Variants in CLEC16A observed in about 807,000 individuals in gnomAD.
The protein encoded by CLEC16A is protein CLEC16A.
In CLEC16A, 51 loss-of-function variants were observed where a neutral mutation model predicts 109.5. The ratio of observed to expected loss-of-function variants is 0.47; its 90% CI spans 0.37 to 0.59. CLEC16A has a LOEUF of 0.59. Ranked by LOEUF, CLEC16A falls within the 20% of genes least tolerant of loss-of-function variation. The pLI, the probability that CLEC16A is intolerant of heterozygous loss-of-function variation, is 0.00. For synonymous variants in CLEC16A, 673 were observed against 564.2 expected (o/e 1.19, Z -2.73); for missense variants, 1,339 against 1,394.0 (o/e 0.96, Z 0.63).
At chr16:11,114,637 T>G (rs1432697331) in intron 19 of CLEC16A, among the ~76,000 whole-genome samples, 1 of 152,148 alleles carries the variant, frequency 6.6e-6, no homozygotes, top group Non-Finnish European at 1.5e-5. Context: ...TCTCCTGGAT[T>G]TCTCCTCAAC....
At chr16:10,993,496 G>C (rs941566638) in intron 10 of CLEC16A, among the ~76,000 whole-genome samples, 1 of 152,194 alleles carries the variant, frequency 6.6e-6, no homozygotes, top group African/African-American at 2.4e-5. Context: ...GGAAGCCAAG[G>C]TTCCGTGATT....
At position 11,012,613 on chromosome 16, in the gene CLEC16A, A is replaced by G. The variant is rs2045499464; in HGVS notation, c.1304-7580A>G. Among the ~76,000 whole-genome samples, 11 of 144,752 alleles carry G rather than the reference A, an allele frequency of 7.6e-5. No individual in the cohort carries two copies. The South Asian group carries it at 8.8e-4, about 12-fold the overall frequency. 95.0% of individuals were successfully genotyped at this position (144,752 alleles called of 152,430 possible). A position where few individuals can be genotyped will look rare whatever the true frequency, so the allele number is the denominator to read the frequency against. On this transcript the variant is annotated intron_variant, in intron 11 of 23. Transcript: ENST00000409790. ...CCGTCTCAAAAAAAAAAAAAAAAAA[A>G]AAAAAAAAGAAAGATTTATGAAAAC...
At chr16:11,125,864 C>T in intron 21 of CLEC16A, 115 bp from the exon 22 acceptor site, 2 of 898,714 alleles carry the variant, frequency 2.2e-6, no homozygotes, top group East Asian at 2.8e-5. Context: ...CTTGGCGTCT[C>T]CCAAGTGATG....
chr16:11,177,877 G>A (rs1358945485), intron 23 of CLEC16A, among the ~76,000 whole-genome samples: 5 of 150,536 alleles, frequency 3.3e-5, no homozygotes, highest in Admixed American at 1.3e-4. Context: ...TAATATTGCA[G>A]TGGGTTCCCT....
intron 19 of CLEC16A, among the ~76,000 whole-genome samples, chr16:11,108,952 TACAA>T (rs2051389489): frequency 6.6e-6 from 1 of 151,564 alleles, no homozygotes; most frequent in Admixed American, 6.6e-5. Context: ...CTACTAAAAA[TACAA>T]ACAAATTAGC....
intron 10 of CLEC16A, among the ~76,000 whole-genome samples, chr16:10,989,700 A>C (rs1285929245): frequency 1.3e-5 from 2 of 152,062 alleles, no homozygotes; most frequent in Admixed American, 1.3e-4. Flanking sequence ...TTCCAGATGA[A>C]TCTCTGGACA....
chr16:11,079,060 CT>C (rs1430354955), intron 19 of CLEC16A, among the ~76,000 whole-genome samples: 12 of 152,202 alleles, frequency 7.9e-5, no homozygotes, highest in Admixed American at 7.9e-4. Flanking sequence ...CTCCCCAGCC[CT>C]GCAGCCCTGC....
At chr16:11,106,271 T>A (rs941258269) in intron 19 of CLEC16A, among the ~76,000 whole-genome samples, 1 of 152,148 alleles carries the variant, frequency 6.6e-6, no homozygotes, top group African/African-American at 2.4e-5. Flanking sequence ...ACTTGTCTTA[T>A]CACGTATCTA....
chr16:10,956,065 A>G (rs1345994168), intron 1 of CLEC16A, among the ~76,000 whole-genome samples: 1 of 152,390 alleles, frequency 6.6e-6, no homozygotes, highest in Middle Eastern at 3.4e-3. Context: ...GATTCATCCC[A>G]GGGTGGTTCA....
chr16:11,123,262 C>G (rs985451387), intron 20 of CLEC16A, among the ~76,000 whole-genome samples: 1 of 152,140 alleles, frequency 6.6e-6, no homozygotes, highest in Admixed American at 6.5e-5. Context: ...CAAAGACATA[C>G]AAATGGTTGC....
chr16:11,040,175 T>C (rs953895247), intron 14 of CLEC16A: 6 of 350,508 alleles, frequency 1.7e-5, no homozygotes, highest in Non-Finnish European at 3.1e-5. Flanking sequence ...CCCACCCCGC[T>C]ATGTCTGGGT....
chr16:11,101,196 T>C (rs978964780), intron 19 of CLEC16A, among the ~76,000 whole-genome samples: 1 of 152,234 alleles, frequency 6.6e-6, no homozygotes, highest in Admixed American at 6.5e-5. Flanking sequence ...TTTCACTGAA[T>C]AATGATAGGC....
At chr16:11,173,430 A>G (rs1441170362) in intron 23 of CLEC16A, among the ~76,000 whole-genome samples, 1 of 151,892 alleles carries the variant, frequency 6.6e-6, no homozygotes, top group African/African-American at 2.4e-5. Context: ...ATTTCAGCCA[A>G]TTAGAAGCCC....
intron 17 of CLEC16A, chr16:11,048,271 C>G (rs1165833739): frequency 6.6e-6 from 1 of 152,268 alleles, no homozygotes; most frequent in Non-Finnish European, 1.5e-5. Context: ...TGCAGCTCTC[C>G]CTCCAGTCTG....
At chr16:11,140,698 C>T (rs2053783112) in intron 22 of CLEC16A, among the ~76,000 whole-genome samples, 1 of 152,180 alleles carries the variant, frequency 6.6e-6, no homozygotes, top group Non-Finnish European at 1.5e-5. Context: ...GCTTGAAAGC[C>T]ACCATCATCA....
At chr16:11,082,349 G>A (rs574696456) in intron 19 of CLEC16A, among the ~76,000 whole-genome samples, 35 of 152,318 alleles carry the variant, frequency 2.3e-4, no homozygotes, top group Middle Eastern at 3.4e-3. Context: ...CCCCATTGAG[G>A]CTGTTCCTTG....
chr16:10,944,825 C>A, intron 1 of CLEC16A, 28 bp downstream of exon 1: 1 of 1,573,522 alleles, frequency 6.4e-7, no homozygotes, highest in Non-Finnish European at 8.7e-7. Context: ...AGCGGGAGGC[C>A]TCGGGGCTGG....
chr16:11,024,820 G>T lies in CLEC16A; in HGVS notation c.1437-1G>T. The T allele has an allele frequency of 6.3e-7, 1 of 1,594,154 alleles. No homozygotes were observed. Among genetic ancestry groups the T allele is most frequent in the South Asian group, 1.1e-5 (1 of 87,460 alleles). On this transcript the variant is annotated splice_acceptor_variant, in intron 12 of 23. Transcript: ENST00000409790. LOFTEE classifies it high-confidence loss of function. ...TCATACATGCCCCTCCTCTTTTCCA[G>T]ACCCTTCCTGGATATGGTGTACCAC... is the stretch of plus-strand genomic sequence containing the variant.
At position 11,138,730 on chromosome 16, in the gene CLEC16A, C is replaced by G. The variant is rs192675841; in HGVS notation, c.2641+12584C>G. Among the ~76,000 whole-genome samples the G allele has an allele frequency of 2.2e-4, 34 of 152,302 alleles. No individual in the cohort carries two copies. In the East Asian group the frequency reaches 6.2e-3, roughly 28 times the overall value. ...AATGACCACTGTTTTCACTCAACAG[C>G]GTATCCTGGAGTGTTTTTCATTTTA... On this transcript the variant is annotated intron_variant, in intron 22 of 23. Coordinates refer to ENST00000409790, the MANE Select transcript of CLEC16A (RefSeq NM_015226.3).
Sources: allele counts gnomAD v4.1 joint callset (sites outside exome capture counted in the v4.1 genomes callset), GRCh38; gene constraint gnomAD v4.1.1; transcripts MANE v1.5; gene names NCBI Gene and HGNC (gene_info 2026-07-23, HGNC 2026-07-21).